MICU3: variants seen among roughly 807,000 people sequenced by gnomAD.
MICU3 encodes calcium uptake protein 3, mitochondrial.
In MICU3, 62 loss-of-function variants were observed where a neutral mutation model predicts 66.5. The observed-to-expected ratio is 0.93, with a 90% CI of 0.76 to 1.15. MICU3 has a LOEUF of 1.15. Among genes scored for constraint, MICU3 ranks in the 50% most tolerant of loss-of-function variants. The probability of loss-of-function intolerance (pLI) is 0.00; values close to 1 mark genes in which losing one functional copy is unlikely to be tolerated. For synonymous variants in MICU3, 308 were observed against 240.7 expected (o/e 1.28, Z -2.59); for missense variants, 779 against 664.4 (o/e 1.17, Z -1.90).
intron 7 of MICU3, among the ~76,000 whole-genome samples, chr8:17,089,698 T>G (rs1463214453): frequency 6.6e-6 from 1 of 152,040 alleles, no homozygotes; most frequent in Non-Finnish European, 1.5e-5. Context: ...TTCCTCAGTT[T>G]TTTTTCATTT....
chr8:17,062,747 T>C (rs1025455526), intron 1 of MICU3, among the ~76,000 whole-genome samples: 13 of 152,252 alleles, frequency 8.5e-5, no homozygotes, highest in African/African-American at 3.1e-4. Context: ...CTTCTTTGAC[T>C]AATCAGTTTC....
At chr8:17,109,341 T>C (rs1802001839) in intron 11 of MICU3, among the ~76,000 whole-genome samples, 1 of 152,146 alleles carries the variant, frequency 6.6e-6, no homozygotes. Context: ...TACCTACAGA[T>C]TTATTCACTC....
chr8:17,058,021 T>A (rs1203623533), intron 1 of MICU3, among the ~76,000 whole-genome samples: 1 of 152,108 alleles, frequency 6.6e-6, no homozygotes, highest in African/African-American at 2.4e-5. Flanking sequence ...CTAATTTTTC[T>A]GTATTTTTAG....
intron 1 of MICU3, among the ~76,000 whole-genome samples, chr8:17,046,811 C>T (rs1815171690): frequency 6.6e-6 from 1 of 152,036 alleles, no homozygotes; most frequent in Admixed American, 6.6e-5. Context: ...CTCCTGGGCT[C>T]AGAGTAGAAA....
chr8:17,089,637 C>T (rs1337319127), intron 7 of MICU3, among the ~76,000 whole-genome samples: 3 of 152,072 alleles, frequency 2.0e-5, no homozygotes, highest in South Asian at 2.1e-4. Flanking sequence ...TGAGTATTAG[C>T]CCTGCCACTC....
the MICU3 span, among the ~76,000 whole-genome samples, chr8:17,130,341 T>C: frequency 6.6e-6 from 1 of 151,934 alleles, no homozygotes; most frequent in Non-Finnish European, 1.5e-5. Context: ...CTGGGCAACA[T>C]GGTAAAACCC....
intron 12 of MICU3, among the ~76,000 whole-genome samples, chr8:17,114,802 A>G (rs985044298): frequency 6.6e-6 from 1 of 152,126 alleles, no homozygotes; most frequent in African/African-American, 2.4e-5. Flanking sequence ...TCTCTGCCAT[A>G]ATCTGTGTTA....
At chr8:17,073,919 C>T (rs976158857) in intron 3 of MICU3, among the ~76,000 whole-genome samples, 1 of 152,134 alleles carries the variant, frequency 6.6e-6, no homozygotes, top group Non-Finnish European at 1.5e-5. Context: ...TATTAACTGA[C>T]AGTCATTTAA....
At chr8:17,027,727 C>T in intron 1 of MICU3, 67 bp downstream of exon 1, 1 of 1,256,024 alleles carries the variant, frequency 8.0e-7, no homozygotes, top group Non-Finnish European at 1.0e-6. Context: ...ACGCAGGACC[C>T]TGGAGGCTGT....
At chr8:17,106,012 T>C (rs964520635) in intron 11 of MICU3, among the ~76,000 whole-genome samples, 1 of 152,108 alleles carries the variant, frequency 6.6e-6, no homozygotes, top group African/African-American at 2.4e-5. Flanking sequence ...AGTGATCTTA[T>C]CATCAGCTGA....
intron 6 of MICU3, among the ~76,000 whole-genome samples, chr8:17,086,195 TA>T (rs1799449476): frequency 1.3e-5 from 2 of 152,204 alleles, no homozygotes; most frequent in African/African-American, 4.8e-5. Context: ...AACATAGCTG[TA>T]AAAATTCCTC....
At chr8:17,080,503 G>A (rs919758703) in intron 4 of MICU3, among the ~76,000 whole-genome samples, 1 of 152,118 alleles carries the variant, frequency 6.6e-6, no homozygotes, top group Non-Finnish European at 1.5e-5. Flanking sequence ...GAGACAGCAT[G>A]CCCATTTCCC....
chr8:17,082,386 C>T (rs1431143425), intron 5 of MICU3, among the ~76,000 whole-genome samples: 3 of 152,202 alleles, frequency 2.0e-5, no homozygotes, highest in African/African-American at 7.2e-5. Flanking sequence ...GGTTTCCTTT[C>T]AAATGTGAAA....
chr8:17,092,702 A>C (rs1376584526), intron 8 of MICU3, among the ~76,000 whole-genome samples: 1 of 152,084 alleles, frequency 6.6e-6, no homozygotes, highest in African/African-American at 2.4e-5. Flanking sequence ...AACTACAAGC[A>C]AACAAGGGAC....
At chr8:17,077,892 T>A in intron 4 of MICU3, 31 bp downstream of exon 4, 1 of 1,368,940 alleles carries the variant, frequency 7.3e-7, no homozygotes, top group Non-Finnish European at 1.0e-6. Flanking sequence ...GTTCTTTTTT[T>A]AAACTATATT....
chr8:17,049,883 C>T (rs1339220972), intron 1 of MICU3, among the ~76,000 whole-genome samples: 3 of 152,160 alleles, frequency 2.0e-5, no homozygotes, highest in Non-Finnish European at 2.9e-5. Flanking sequence ...TCCTATAAGA[C>T]ATGAACTTTT....
chr8:17,067,312 C>A, intron 2 of MICU3, among the ~76,000 whole-genome samples: 1 of 152,210 alleles, frequency 6.6e-6, no homozygotes, highest in South Asian at 2.1e-4. Context: ...ATAAAAATAA[C>A]AGCCTCATGA....
rs1427066280 is a variant in MICU3 at position 17,117,172 on chromosome 8, G to T, written c.1524+572G>T. 2.6e-5 allele frequency among the ~76,000 whole-genome samples: 4 copies of T among 151,966 alleles called. No homozygotes were observed. In the South Asian group the frequency reaches 6.3e-4, roughly 24 times the overall value. ...TATAATTTTTTTTACTAGCAACGAG[G>T]TCACTCTGTTGCCCAGGCTGACGTT... On this transcript the variant is annotated intron_variant, in intron 13 of 14. Coordinates refer to ENST00000318063, the MANE Select transcript of MICU3 (RefSeq NM_181723.3).
intron 1 of MICU3, among the ~76,000 whole-genome samples, chr8:17,031,452 AT>A (rs1181052031): frequency 6.6e-6 from 1 of 150,744 alleles, no homozygotes; most frequent in Non-Finnish European, 1.5e-5. Context: ...TGACCAGCTA[AT>A]TTTTTTTGTA....
Sources: allele counts gnomAD v4.1 joint callset (sites outside exome capture counted in the v4.1 genomes callset), GRCh38; gene constraint gnomAD v4.1.1; transcripts MANE v1.5; gene names NCBI Gene and HGNC (gene_info 2026-07-23, HGNC 2026-07-21).